CCNP: variants seen among roughly 807,000 people sequenced by gnomAD.
The protein encoded by CCNP is cyclin P, also known as cyclin-P.
Under a neutral mutation model 19.6 loss-of-function variants are expected in CCNP, and 18 were observed. The observed-to-expected ratio is 0.92, with a 90% confidence interval of 0.64 to 1.36. The LOEUF (loss-of-function observed/expected upper bound fraction) is 1.36, where lower values mean the gene tolerates loss of function less well. Among genes scored for constraint, CCNP ranks in the 40% most tolerant of loss-of-function variants. The probability of loss-of-function intolerance (pLI) is 0.00; values close to 1 mark genes in which losing one functional copy is unlikely to be tolerated. For missense variants in CCNP, 440 were observed against 424.4 expected (o/e 1.04, Z -0.32); for synonymous variants, 228 against 194.9 (o/e 1.17, Z -1.41).
intron 3 of CCNP, chr19:40,223,766 G>A (rs1973494612): frequency 1.6e-6 from 1 of 626,826 alleles, no homozygotes; most frequent in South Asian, 2.1e-5. Flanking sequence ...GTGTGACATA[G>A]GACATTCACT....
Position 40,223,475 on chromosome 19 carries a change from G to T in CCNP, c.585C>A (p.Ile195=). ...GCAGCCGGAAATCCAGGCGGCTCAG[G>T]ATGCGACGCTCGGCGCGCAGCAGCT... The part of the protein sequence containing the change: ...RAELLRAERR[I]LSRLDFRLHH... Residue 195 remains isoleucine, a synonymous_variant, in exon 4 of 5, where the codon ATC becomes ATA. Transcript: ENST00000430325. The T allele has an allele frequency of 6.2e-7, 1 of 1,611,222 alleles. No homozygotes were observed. Among genetic ancestry groups the T allele is most frequent in the Non-Finnish European group, 8.5e-7 (1 of 1,178,350 alleles).
intron 3 of CCNP, 60 bp from the exon 4 acceptor site, chr19:40,223,606 T>G: frequency 6.2e-7 from 1 of 1,602,648 alleles, no homozygotes; most frequent in South Asian, 1.1e-5. Flanking sequence ...CTTTACTCCC[T>G]GCCCTGGAAA....
chr19:40,224,593 A>G lies in CCNP; in HGVS notation c.408T>C (p.Leu136=). ...GDTLYLAVHL[L]DSYLSAGRVR... Reference sequence around the variant, plus strand: ...CGCGGCCAGCGCTCAGGTAGGAATCAAGCAGGTGAACCGCCAGATAAAGTG... The same window carrying G: ...CGCGGCCAGCGCTCAGGTAGGAATCGAGCAGGTGAACCGCCAGATAAAGTG... The change falls in exon 3 of 5, where the codon CTT becomes CTC. Residue 136 remains leucine (L), a synonymous_variant. Transcript: ENST00000430325. The G allele has an allele frequency of 6.2e-7, 1 of 1,614,208 alleles. No individual in the cohort carries two copies. The highest frequency in any genetic ancestry group is 8.5e-7 in the Non-Finnish European group (1 of 1,180,026).
rs771852608 is a variant in CCNP at position 40,223,169 on chromosome 19, G to A, written c.807C>T (p.Leu269=). 1 of 1,551,446 alleles carries A rather than the reference G, an allele frequency of 6.4e-7. No homozygotes were observed. Among genetic ancestry groups the A allele is most frequent in the Non-Finnish European group, 8.7e-7 (1 of 1,146,926 alleles). Residue 269 remains leucine (L), a synonymous_variant, in exon 5 of 5, where the codon CTC becomes CTT. Coordinates refer to ENST00000430325, the MANE Select transcript of CCNP (RefSeq NM_024877.4). ...GACTACACCTGTAAAGTTCTGGCTG[G>A]AGCCTGGAGCCCGCCCCGTCGAGCA... ...HRLLDGAGSR[L]QPELYRCSLG... is the part of the protein sequence containing the mutation.
rs1237092449 is a variant in CCNP at position 40,223,370 on chromosome 19, G to C, written c.672+18C>G. On this transcript the variant is annotated intron_variant, in intron 4 of 4. Transcript: ENST00000430325. ...CGCGCCGGCCACGCCCCCACCCCGC[G>C]TATTCACAAGGGCTCACCTGGGGGC... 1.3e-6 allele frequency: 2 copies of C among 1,498,360 alleles called. No homozygotes were observed. Among genetic ancestry groups the C allele is most frequent in the East Asian group, 2.5e-5 (1 of 40,544 alleles). The allele number at this position is 1,498,360 out of a possible 1,614,324, so 92.8% of individuals were successfully genotyped here.
chr19:40,226,582 G>A lies in CCNP; in HGVS notation c.60C>T (p.Arg20=), dbSNP rs1215180029. ...SGSRLGPIVR[R]WAPRPSPLQS... is the part of the protein sequence containing the mutation. ...GCAAAGGAGAGGGCCTGGGGGCCCA[G>A]CGCCTAACGATAGGCCCGAGCCGGG... Residue 20 remains arginine, a synonymous_variant, in exon 1 of 5, where the codon CGC becomes CGT. Coordinates refer to ENST00000430325, the MANE Select transcript of CCNP (RefSeq NM_024877.4). 1.3e-6 allele frequency: 2 copies of A among 1,578,154 alleles called. No individual in the cohort carries two copies. Among genetic ancestry groups the A allele is most frequent in the Non-Finnish European group, 1.7e-6 (2 of 1,163,982 alleles).
chr19:40,223,357 G>A, intron 4 of CCNP, 31 bp downstream of exon 4: 2 of 1,488,220 alleles, frequency 1.3e-6, no homozygotes, highest in African/African-American at 2.8e-5. Context: ...CGCCGGCCAC[G>A]CCCCCACCCC....
chr19:40,226,257 C>G (rs1272327844), intron 1 of CCNP, 118 bp downstream of exon 1: 3 of 872,124 alleles, frequency 3.4e-6, no homozygotes, highest in South Asian at 1.7e-5. Context: ...GGAAGGAACG[C>G]CGGCTGCCAG....
rs1973468724 is a variant in CCNP, at chr19:40,222,877, G to T, written c.*175C>A. The T allele has an allele frequency of 5.5e-6, 3 of 545,990 alleles. No individual in the cohort carries two copies. The highest frequency in any genetic ancestry group is 3.5e-5 in the Admixed American group (1 of 28,554). 33.8% of individuals were successfully genotyped at this position (545,990 alleles called of 1,614,324 possible). Reference sequence around the variant, plus strand: ...CAGATACAGAGATGGAGGACTCGAGGCCTGGGTGATCCTTCGTTCTCAGCC... The same window carrying T: ...CAGATACAGAGATGGAGGACTCGAGTCCTGGGTGATCCTTCGTTCTCAGCC... On this transcript the variant is annotated 3_prime_UTR_variant, in exon 5 of 5. Coordinates refer to ENST00000430325, the MANE Select transcript of CCNP (RefSeq NM_024877.4).
rs766911888 is a variant in CCNP at position 40,226,363 on chromosome 19, G to A, written c.267+12C>T. Reference sequence around the variant, plus strand: ...CGTCGCCCTCACCAGGGCAGGCGGCGGGTAGGCTCACCATGACTTCGGCGA... The same window carrying A: ...CGTCGCCCTCACCAGGGCAGGCGGCAGGTAGGCTCACCATGACTTCGGCGA... On this transcript the variant is annotated intron_variant, in intron 1 of 4. Transcript: ENST00000430325. 4 of 1,603,636 alleles carry A rather than the reference G, an allele frequency of 2.5e-6. No homozygotes were observed. Among genetic ancestry groups the A allele is most frequent in the East Asian group, 2.2e-5 (1 of 44,842 alleles).
chr19:40,224,449 GGAC>G (rs764233223), intron 3 of CCNP, 36 bp downstream of exon 3: 1 of 1,606,064 alleles, frequency 6.2e-7, no homozygotes, highest in Admixed American at 1.7e-5. Context: ...ACTCCCCAAA[GGAC>G]TCCATCCACC....
In CCNP at chr19:40,226,349, C is replaced by T. The variant is rs776869452; in HGVS notation, c.267+26G>A. The T allele has an allele frequency of 3.8e-6, 6 of 1,598,326 alleles. No individual in the cohort carries two copies. In the East Asian group the frequency reaches 1.1e-4, roughly 30 times the overall value. ...GGGCGGTGGGCCGGCGTCGCCCTCACCAGGGCAGGCGGCGGGTAGGCTCAC... is the reference window on the plus strand; with the variant it reads ...GGGCGGTGGGCCGGCGTCGCCCTCATCAGGGCAGGCGGCGGGTAGGCTCAC... On this transcript the variant is annotated intron_variant, in intron 1 of 4. Coordinates refer to ENST00000430325, the MANE Select transcript of CCNP (RefSeq NM_024877.4).
chr19:40,222,231 TTGAGA>T lies in CCNP; in HGVS notation c.*816_*820del. 2.5e-6 allele frequency: 1 copy of T among 398,256 alleles called. No homozygotes were observed. Among genetic ancestry groups the T allele is most frequent in the Non-Finnish European group, 4.4e-6 (1 of 225,724 alleles). 24.7% of individuals were successfully genotyped at this position (398,256 alleles called of 1,614,324 possible). On this transcript the variant is annotated 3_prime_UTR_variant, in exon 5 of 5. Transcript: ENST00000430325. ...GCTCAGAATAAAATAAATTCTTTTA[TTGAGA>T]TGAGAGACGGACACACACTGGGAGG...
Position 40,223,486 on chromosome 19 carries a change from C to G in CCNP, c.574G>C (p.Glu192Gln), listed in dbSNP as rs777893223. Reference protein sequence around the residue: ...SFSRAELLRAERRILSRLDFR... With the variant: ...SFSRAELLRAQRRILSRLDFR... ...TCCAGGCGGCTCAGGATGCGACGCT[C>G]GGCGCGCAGCAGCTCCGCCCGTGAG... is the stretch of plus-strand genomic sequence containing the variant. Residue 192 changes from glutamate (E) to glutamine (Q), a missense_variant, in exon 4 of 5, where the codon GAG (glutamate) becomes CAG (glutamine). By Grantham distance (29) the Glu-to-Gln change is conservative. Transcript: ENST00000430325. 1.1e-5 allele frequency: 17 copies of G among 1,610,254 alleles called. No individual in the cohort carries two copies. The highest frequency in any genetic ancestry group is 1.4e-5 in the Non-Finnish European group (16 of 1,177,620).
At chr19:40,223,358 C>T in intron 4 of CCNP, 30 bp downstream of exon 4, 2 of 1,492,088 alleles carry the variant, frequency 1.3e-6, no homozygotes, top group East Asian at 2.5e-5. Context: ...GCCGGCCACG[C>T]CCCCACCCCG....
At position 40,222,952 on chromosome 19, in the gene CCNP, C is replaced by A; in HGVS notation, c.*100G>T. On this transcript the variant is annotated 3_prime_UTR_variant, in exon 5 of 5. Transcript: ENST00000430325. The stretch of plus-strand genomic sequence containing the variant: ...TGGGCCTGGGAGACTATCTTCCACT[C>A]TGGGGCAAGGTTAAGAGACCCCAGA... 1 of 690,256 alleles carries A rather than the reference C, an allele frequency of 1.4e-6. No individual in the cohort carries two copies. The allele number at this position is 690,256 out of a possible 1,614,324, so 42.8% of individuals were successfully genotyped here.
chr19:40,226,363 G>T lies in CCNP; in HGVS notation c.267+12C>A. ...CGTCGCCCTCACCAGGGCAGGCGGC[G>T]GGTAGGCTCACCATGACTTCGGCGA... On this transcript the variant is annotated intron_variant, in intron 1 of 4. Coordinates refer to ENST00000430325, the MANE Select transcript of CCNP (RefSeq NM_024877.4). 1 of 1,603,636 alleles carries T rather than the reference G, an allele frequency of 6.2e-7. No homozygotes were observed.
Position 40,223,082 on chromosome 19 carries a change from T to C in CCNP, c.894A>G (p.Leu298=). The change falls in exon 5 of 5, where the codon TTA becomes TTG. Residue 298 remains leucine (L), a synonymous_variant. Transcript: ENST00000430325. The part of the protein sequence containing the change: ...SFRDLPSWSF[L]RSRRMRDNY ...AATTGTCTCTCATTCTCCGAGACCGTAAAAATGACCAGGAAGGTAAGTCCC... is the reference window on the plus strand; with the variant it reads ...AATTGTCTCTCATTCTCCGAGACCGCAAAAATGACCAGGAAGGTAAGTCCC... 1 of 1,547,372 alleles carries C rather than the reference T, an allele frequency of 6.5e-7. No individual in the cohort carries two copies. Among genetic ancestry groups the C allele is most frequent in the Non-Finnish European group, 8.7e-7 (1 of 1,143,978 alleles).
At position 40,222,745 on chromosome 19, in the gene CCNP, C is replaced by CG. The variant is rs1479431134; in HGVS notation, c.*306_*307insC. 7.4e-6 allele frequency: 3 copies of CG among 406,622 alleles called. No homozygotes were observed. The highest frequency in any genetic ancestry group is 2.1e-5 in the African/African-American group (1 of 48,636). The allele number at this position is 406,622 out of a possible 1,614,324, so 25.2% of individuals were successfully genotyped here. On this transcript the variant is annotated 3_prime_UTR_variant, in exon 5 of 5. Transcript: ENST00000430325. ...AGGAGGGGAGCTGAGGATGGGCAGC[C>CG]ATCCTCTCTATGCTGGGTGCACAGG... is the stretch of plus-strand genomic sequence containing the variant.
Sources: gnomAD v4.1 joint callset for allele counts on GRCh38, gnomAD v4.1.1 for gene constraint, MANE v1.5 for transcripts, NCBI Gene and HGNC (gene_info 2026-07-23, HGNC 2026-07-21) for gene names.